Variants in RPN1 observed in about 807,000 individuals in gnomAD.
RPN1 encodes dolichyl-diphosphooligosaccharide--protein glycosyltransferase subunit 1.
A neutral mutation model predicts 55.5 loss-of-function variants in RPN1; 12 were observed. That is an observed-to-expected ratio of 0.22 (90% CI 0.14 to 0.35). RPN1 has a LOEUF of 0.35. Ranked by LOEUF, RPN1 falls within the 10% of genes least tolerant of loss-of-function variation. RPN1 has a pLI of 1.00. For synonymous variants in RPN1, 317 were observed against 305.9 expected (o/e 1.04, Z -0.38); for missense variants, 679 against 761.3 (o/e 0.89, Z 1.27).
intron 8 of RPN1, among the ~76,000 whole-genome samples, chr3:128,624,410 G>A (rs1005181127): frequency 6.6e-6 from 1 of 152,056 alleles, no homozygotes; most frequent in Non-Finnish European, 1.5e-5. Flanking sequence ...AACCCAGGAG[G>A]CGGAGGTTGC....
chr3:128,647,511 C>T (rs2069777405), intron 1 of RPN1, among the ~76,000 whole-genome samples: 1 of 151,778 alleles, frequency 6.6e-6, no homozygotes, highest in Admixed American at 6.6e-5. Context: ...CAGCAAGACC[C>T]CATCTCTGAA....
Position 128,637,812 on chromosome 3 carries a change from G to A in RPN1, c.620C>T (p.Pro207Leu), listed in dbSNP as rs2069691602. Residue 207 changes from proline (P) to leucine (L), a missense_variant, in exon 3 of 10, where the codon CCT (proline) becomes CTT (leucine). This residue lies in a region of RPN1 where 352 missense variants were observed against 352.8 expected (regional missense o/e 1.00). Coordinates refer to ENST00000296255, the MANE Select transcript of RPN1 (RefSeq NM_002950.4). ...LLDYGPFRDVPAYSQDTFKVH... is the reference protein window; with the variant it reads ...LLDYGPFRDVLAYSQDTFKVH... ...ACCTGAGCTTACCTGACTATAGGCA[G>A]GCACATCTCTGAAAGGCCCATAATC... 4 of 1,611,888 alleles carry A rather than the reference G, an allele frequency of 2.5e-6. No individual in the cohort carries two copies. The highest frequency in any genetic ancestry group is 2.7e-5 in the African/African-American group (2 of 74,878).
chr3:128,634,142 A>G (rs995779453), intron 3 of RPN1, among the ~76,000 whole-genome samples: 26 of 152,122 alleles, frequency 1.7e-4, no homozygotes, highest in African/African-American at 6.0e-4. Flanking sequence ...CCTGGCCAAC[A>G]TGGTGAAACC....
chr3:128,649,667 G>A (rs1425641240), intron 1 of RPN1, among the ~76,000 whole-genome samples: 27 of 152,280 alleles, frequency 1.8e-4, no homozygotes, highest in Admixed American at 1.8e-3. Flanking sequence ...AAACCTCTGT[G>A]TATGTACATT....
intron 2 of RPN1, among the ~76,000 whole-genome samples, chr3:128,642,843 C>A (rs779634239): frequency 1.9e-4 from 29 of 151,040 alleles, no homozygotes; most frequent in Non-Finnish European, 3.4e-4. Flanking sequence ...ATGGTGAAAC[C>A]CCATTTCTAC....
At chr3:128,627,561 A>G (rs1224408921) in intron 5 of RPN1, among the ~76,000 whole-genome samples, 4 of 152,186 alleles carry the variant, frequency 2.6e-5, no homozygotes, top group African/African-American at 9.7e-5. Flanking sequence ...ACCTGAGGTC[A>G]GGAGTTCAAG....
chr3:128,627,770 CAAA>C (rs71689582), intron 5 of RPN1, among the ~76,000 whole-genome samples: 10 of 71,980 alleles, frequency 1.4e-4, no homozygotes, highest in Non-Finnish European at 2.1e-4. Flanking sequence ...GACTCCATCT[CAAA>C]AAAAAAAAAA....
chr3:128,637,327 C>T (rs1396659737), intron 3 of RPN1, among the ~76,000 whole-genome samples: 2 of 152,194 alleles, frequency 1.3e-5, no homozygotes, highest in East Asian at 1.9e-4. Flanking sequence ...ATCTAAGTGA[C>T]GTGTGTGGGA....
At chr3:128,627,128 C>A (rs918121894) in intron 5 of RPN1, 6 of 372,452 alleles carry the variant, frequency 1.6e-5, no homozygotes, top group African/African-American at 1.2e-4. Flanking sequence ...ACAGCAGAAC[C>A]CCAAAACACA....
intron 3 of RPN1, among the ~76,000 whole-genome samples, chr3:128,635,616 T>TAGATAG (rs1559755764): frequency 1.4e-3 from 8 of 5,830 alleles, no homozygotes; most frequent in African/African-American, 5.2e-3. Context: ...ACTTGAGATA[T>TAGATAG]ATATATATAT....
At position 128,620,277 on chromosome 3, in the gene RPN1, G is replaced by T; in HGVS notation, c.*134C>A. The stretch of plus-strand genomic sequence containing the variant: ...CTCACACTGCCTGACGCAGGGCCTG[G>T]TTTCTCTTCCTTGAAGGCCTTTTAC... On this transcript the variant is annotated 3_prime_UTR_variant, in exon 10 of 10. Coordinates refer to ENST00000296255, the MANE Select transcript of RPN1 (RefSeq NM_002950.4). The T allele has an allele frequency of 1.6e-6, 1 of 618,630 alleles. No individual in the cohort carries two copies. The highest frequency in any genetic ancestry group is 3.8e-5 in the South Asian group (1 of 26,420). The allele number at this position is 618,630 out of a possible 1,614,324, so 38.3% of individuals were successfully genotyped here. A position where few individuals can be genotyped will look rare whatever the true frequency, so the allele number is the denominator to read the frequency against.
chr3:128,649,212 T>C (rs1269086443), intron 1 of RPN1, among the ~76,000 whole-genome samples: 1 of 152,190 alleles, frequency 6.6e-6, no homozygotes, highest in Non-Finnish European at 1.5e-5. Flanking sequence ...GTATACCAAT[T>C]ATACCTCAAT....
intron 8 of RPN1, among the ~76,000 whole-genome samples, chr3:128,624,812 G>C (rs1190642437): frequency 6.6e-6 from 1 of 151,852 alleles, no homozygotes; most frequent in East Asian, 1.9e-4. Context: ...CTCCAGCATG[G>C]CAACAGAGCG....
chr3:128,639,510 T>C (rs2069709260), intron 2 of RPN1, among the ~76,000 whole-genome samples: 2 of 152,178 alleles, frequency 1.3e-5, no homozygotes, highest in Non-Finnish European at 2.9e-5. Context: ...CAAGGAATGT[T>C]CAACAAAATG....
chr3:128,626,967 C>G, intron 5 of RPN1, 135 bp from the exon 6 acceptor site: 1 of 701,374 alleles, frequency 1.4e-6, no homozygotes, highest in Non-Finnish European at 2.5e-6. Flanking sequence ...ATGTTTACAA[C>G]AAAACCAGGC....
At chr3:128,626,923 G>T in intron 5 of RPN1, 91 bp from the exon 6 acceptor site, 2 of 1,222,214 alleles carry the variant, frequency 1.6e-6, no homozygotes, top group South Asian at 1.2e-5. Context: ...TAAAGACAGA[G>T]CAAGTAGACA....
At chr3:128,640,082 G>T (rs761901171) in intron 2 of RPN1, among the ~76,000 whole-genome samples, 26 of 152,094 alleles carry the variant, frequency 1.7e-4, no homozygotes, top group Non-Finnish European at 3.1e-4. Context: ...TGAGACAGGA[G>T]AATTGCTTGA....
intron 1 of RPN1, among the ~76,000 whole-genome samples, chr3:128,649,538 T>C (rs549538913): frequency 1.3e-5 from 2 of 152,356 alleles, no homozygotes; most frequent in East Asian, 1.9e-4. Context: ...TATAGCTCCA[T>C]ATTCAGTCAG....
intron 9 of RPN1, among the ~76,000 whole-genome samples, chr3:128,621,830 T>C (rs2069561736): frequency 6.6e-6 from 1 of 152,190 alleles, no homozygotes; most frequent in African/African-American, 2.4e-5. Flanking sequence ...CTATTGATTC[T>C]AAAGTCTAGG....
Sources: allele counts gnomAD v4.1 joint callset (sites outside exome capture counted in the v4.1 genomes callset), GRCh38; gene constraint gnomAD v4.1.1; regional missense constraint gnomAD v4.1.1; transcripts MANE v1.5; gene names NCBI Gene and HGNC (gene_info 2026-07-23, HGNC 2026-07-21).